The following TSHZ3 variants were observed in gnomAD, a reference collection of about 807,000 sequenced individuals.
TSHZ3 encodes teashirt zinc finger homeobox 3.
Under a neutral mutation model 64.5 loss-of-function variants are expected in TSHZ3, and 10 were observed. The ratio of observed to expected loss-of-function variants is 0.16; its 90% confidence interval spans 0.10 to 0.26. TSHZ3 has a LOEUF of 0.26. Ranked by LOEUF, TSHZ3 falls within the 10% of genes least tolerant of loss-of-function variation. TSHZ3 has a pLI of 1.00. For synonymous variants in TSHZ3, 608 were observed against 593.1 expected (o/e 1.03, Z -0.36); for missense variants, 1,242 against 1,421.7 (o/e 0.87, Z 2.03).
chr19:31,315,440 G>A (rs779572593), intron 1 of TSHZ3, among the ~76,000 whole-genome samples: 6 of 152,122 alleles, frequency 3.9e-5, no homozygotes, highest in East Asian at 3.9e-4. Context: ...TCCTGGGGGC[G>A]GGGTGCTGGA....
chr19:31,226,882 CTGTT>C (rs1008899751), intron 4 of TSHZ3, among the ~76,000 whole-genome samples: 3 of 151,676 alleles, frequency 2.0e-5, no homozygotes, highest in Non-Finnish European at 2.9e-5. Flanking sequence ...TCTGTCCAAT[CTGTT>C]TATTTCCTTA....
At chr19:31,330,424 C>T (rs1917047644) in intron 1 of TSHZ3, among the ~76,000 whole-genome samples, 1 of 152,204 alleles carries the variant, frequency 6.6e-6, no homozygotes, top group Admixed American at 6.5e-5. Context: ...TGAGGACTGG[C>T]CTGACGGCTC....
At chr19:31,156,679 T>A (rs776977995) in intron 5 of TSHZ3, among the ~76,000 whole-genome samples, 10 of 152,194 alleles carry the variant, frequency 6.6e-5, no homozygotes, top group Admixed American at 3.3e-4. Flanking sequence ...CCCAGGGTCA[T>A]CAGTATCAAA....
intron 4 of TSHZ3, among the ~76,000 whole-genome samples, chr19:31,209,222 A>T (rs775775934): frequency 9.2e-5 from 14 of 152,364 alleles, no homozygotes; most frequent in Non-Finnish European, 1.6e-4. Flanking sequence ...GCTAACTGAA[A>T]ATTAACTGAT....
intron 1 of TSHZ3, among the ~76,000 whole-genome samples, chr19:31,303,980 ATTT>A (rs35985133): frequency 1.1e-4 from 16 of 146,620 alleles, no homozygotes; most frequent in Non-Finnish European, 1.8e-4. Flanking sequence ...TTTTATTTTC[ATTT>A]TTTTTTTTTG....
At chr19:31,201,147 A>G (rs1360318277) in intron 5 of TSHZ3, among the ~76,000 whole-genome samples, 1 of 152,224 alleles carries the variant, frequency 6.6e-6, no homozygotes, top group Admixed American at 6.5e-5. Context: ...TATCATTTCA[A>G]GACAGTAGGT....
chr19:31,266,041 A>G (rs1976049832), intron 1 of TSHZ3, among the ~76,000 whole-genome samples: 1 of 152,320 alleles, frequency 6.6e-6, no homozygotes, highest in Middle Eastern at 3.4e-3. Context: ...GGAGAGGAAC[A>G]GGTGTCCTGT....
chr19:31,214,460 A>G (rs955075540), intron 4 of TSHZ3, among the ~76,000 whole-genome samples: 2 of 152,232 alleles, frequency 1.3e-5, no homozygotes, highest in Non-Finnish European at 2.9e-5. Context: ...CAGCAGATTG[A>G]GAAAGCAAGA....
At chr19:31,290,112 T>C (rs1976538767) in intron 1 of TSHZ3, among the ~76,000 whole-genome samples, 1 of 151,974 alleles carries the variant, frequency 6.6e-6, no homozygotes, top group African/African-American at 2.4e-5. Flanking sequence ...CGCCACCCGA[T>C]TTAGGGCCTA....
intron 3 of TSHZ3, among the ~76,000 whole-genome samples, chr19:31,235,642 C>CTTTCTTTCTA (rs934718231): frequency 4.4e-5 from 5 of 113,046 alleles, no homozygotes; most frequent in Admixed American, 1.9e-4. Context: ...CTCTTTCTTT[C>CTTTCTTTCTA]TTTCTTTCTA....
At chr19:31,269,014 C>T (rs562742284) in intron 1 of TSHZ3, among the ~76,000 whole-genome samples, 2 of 152,180 alleles carry the variant, frequency 1.3e-5, no homozygotes, top group South Asian at 2.1e-4. Flanking sequence ...CTCAGCTGCA[C>T]GGAGCAGCCC....
chr19:31,170,761 TA>T (rs1371806048), intron 5 of TSHZ3, among the ~76,000 whole-genome samples: 9 of 152,244 alleles, frequency 5.9e-5, no homozygotes, highest in Non-Finnish European at 1.3e-4. Flanking sequence ...ACAAAGTAAA[TA>T]TTTTTTTGTT....
intron 3 of TSHZ3, among the ~76,000 whole-genome samples, chr19:31,235,978 A>G (rs546509021): frequency 6.6e-6 from 1 of 152,134 alleles, no homozygotes; most frequent in South Asian, 2.1e-4. Flanking sequence ...CTGGAATTAC[A>G]GGTGAGAGCT....
chr19:31,165,293 T>C (rs1974432389), intron 5 of TSHZ3, among the ~76,000 whole-genome samples: 1 of 152,254 alleles, frequency 6.6e-6, no homozygotes, highest in African/African-American at 2.4e-5. Context: ...GAACTTCAGG[T>C]GACCTTTCCC....
At chr19:31,213,072 TTGAC>T (rs1975279818) in intron 4 of TSHZ3, among the ~76,000 whole-genome samples, 3 of 152,070 alleles carry the variant, frequency 2.0e-5, no homozygotes, top group Admixed American at 2.0e-4. Context: ...AGTAAAAAGA[TTGAC>T]TGGGTGCGGT....
In TSHZ3 at chr19:31,224,876, A is replaced by T. The variant is rs548850404; in HGVS notation, n.686+3129T>A. ...TGTGCTCAAGAGCTGGAGGTGATAA[A>T]GTCCAATGTGAATTTCTTAAATGGC... is the stretch of plus-strand genomic sequence containing the variant. On this transcript the variant is annotated intron_variant and non_coding_transcript_variant, in intron 4 of 6. Coordinates refer to the TSHZ3 transcript ENST00000651361. 5.8e-4 allele frequency among the ~76,000 whole-genome samples: 88 copies of T among 152,354 alleles called. No individual in the cohort carries two copies. The South Asian group carries it at 0.017, about 29-fold the overall frequency.
intron 1 of TSHZ3, among the ~76,000 whole-genome samples, chr19:31,261,584 A>G (rs774426433): frequency 2.0e-5 from 3 of 152,194 alleles, no homozygotes; most frequent in African/African-American, 4.8e-5. Flanking sequence ...CATTTTCAGT[A>G]GCATACTCCA....
intron 1 of TSHZ3, among the ~76,000 whole-genome samples, chr19:31,269,939 G>A (rs950842825): frequency 5.3e-5 from 8 of 152,178 alleles, no homozygotes; most frequent in Middle Eastern, 3.2e-3. Context: ...CAGCCACGGA[G>A]CCAAGTCTGT....
intron 1 of TSHZ3, among the ~76,000 whole-genome samples, chr19:31,334,745 T>C (rs1179879052): frequency 6.6e-6 from 1 of 152,184 alleles, no homozygotes; most frequent in Admixed American, 6.5e-5. Context: ...CACCATAACA[T>C]ATGGCTTTGA....
Sources: allele counts gnomAD v4.1 joint callset (sites outside exome capture counted in the v4.1 genomes callset), GRCh38; gene constraint gnomAD v4.1.1; transcripts MANE v1.5; gene names NCBI Gene and HGNC (gene_info 2026-07-23, HGNC 2026-07-21).